The following TTC28 variants were observed in gnomAD, a reference collection of about 807,000 sequenced individuals.
TTC28 encodes the protein tetratricopeptide repeat domain 28.
In TTC28, 61 loss-of-function variants were observed where a neutral mutation model predicts 198.0. The ratio of observed to expected loss-of-function variants is 0.31; its 90% CI spans 0.25 to 0.38. The LOEUF (loss-of-function observed/expected upper bound fraction) is 0.38, where lower values mean the gene tolerates loss of function less well. Ranked by LOEUF, TTC28 falls within the 10% of genes least tolerant of loss-of-function variation. The pLI, the probability that TTC28 is intolerant of heterozygous loss-of-function variation, is 1.00. For missense variants in TTC28, 2,678 were observed against 3,164.0 expected (o/e 0.85, Z 3.69); for synonymous variants, 1,171 against 1,297.8 (o/e 0.90, Z 2.10).
chr22:28,581,660 T>G (rs2146058647), intron 2 of TTC28, among the ~76,000 whole-genome samples: 1 of 152,266 alleles, frequency 6.6e-6, no homozygotes, highest in South Asian at 2.1e-4. Flanking sequence ...TGCAAGAATA[T>G]TTCTTCCCTC....
At chr22:28,446,590 C>T (rs2047706638) in intron 2 of TTC28, among the ~76,000 whole-genome samples, 2 of 152,166 alleles carry the variant, frequency 1.3e-5, no homozygotes, top group Admixed American at 6.5e-5. Context: ...TGTTCCCGCT[C>T]TTGCCATGTG....
At chr22:28,285,680 T>A (rs536330578) in intron 5 of TTC28, among the ~76,000 whole-genome samples, 35 of 152,322 alleles carry the variant, frequency 2.3e-4, no homozygotes, top group Middle Eastern at 3.4e-3. Flanking sequence ...ACACCTTGAA[T>A]ACATATAATT....
intron 2 of TTC28, among the ~76,000 whole-genome samples, chr22:28,567,826 A>C (rs938617500): frequency 1.2e-4 from 18 of 152,128 alleles, no homozygotes; most frequent in Admixed American, 3.9e-4. Flanking sequence ...CTGATGAGGA[A>C]GGGAGATTTT....
chr22:28,090,435 AG>A (rs1941778534), intron 12 of TTC28, among the ~76,000 whole-genome samples: 1 of 152,154 alleles, frequency 6.6e-6, no homozygotes, highest in South Asian at 2.1e-4. Context: ...CATTCTGAAT[AG>A]ATATAACATA....
chr22:28,556,150 G>C (rs1301609483), intron 2 of TTC28, among the ~76,000 whole-genome samples: 1 of 152,070 alleles, frequency 6.6e-6, no homozygotes, highest in Non-Finnish European at 1.5e-5. Context: ...CATGAGGTCA[G>C]GAGTTCAAGA....
At chr22:28,271,064 T>G (rs73882721) in intron 5 of TTC28, among the ~76,000 whole-genome samples, 1,996 of 152,190 alleles carry the variant, frequency 0.013, 42 homozygotes, top group African/African-American at 0.046. Context: ...CAAGCATTCT[T>G]AAGGTAAATT....
At chr22:28,494,585 A>G (rs1299374101) in intron 2 of TTC28, among the ~76,000 whole-genome samples, 1 of 152,180 alleles carries the variant, frequency 6.6e-6, no homozygotes, top group Non-Finnish European at 1.5e-5. Context: ...TTCCTTGTTC[A>G]TCCTATAAAA....
intron 14 of TTC28, among the ~76,000 whole-genome samples, chr22:28,012,898 C>T (rs1486251683): frequency 6.6e-6 from 1 of 152,122 alleles, no homozygotes; most frequent in Admixed American, 6.5e-5. Context: ...ACAGATACTC[C>T]AGGAGGGGAA....
chr22:28,661,352 T>A (rs776140452), intron 1 of TTC28, among the ~76,000 whole-genome samples: 1 of 152,216 alleles, frequency 6.6e-6, no homozygotes, highest in Non-Finnish European at 1.5e-5. Context: ...TTAATTTCCA[T>A]CATCCAAGAA....
chr22:28,011,289 C>T (rs1022137479), intron 14 of TTC28, among the ~76,000 whole-genome samples: 6 of 152,154 alleles, frequency 3.9e-5, no homozygotes, highest in Non-Finnish European at 1.5e-5. Flanking sequence ...TTCATAACTT[C>T]GGGGAATTAA....
chr22:28,418,607 AC>A lies in TTC28; in HGVS notation c.382-111965del, dbSNP rs1450357587. Among the ~76,000 whole-genome samples, 7 of 152,332 alleles carry A rather than the reference AC, an allele frequency of 4.6e-5. No homozygotes were observed. In the South Asian group the frequency reaches 1.2e-3, roughly 27 times the overall value. ...TATACTGACTGGAGTCAAACATAGA[AC>A]AGACAAAAAAAGAGGCACACAGAGA... On this transcript the variant is annotated intron_variant, in intron 2 of 22. Coordinates refer to ENST00000397906, the MANE Select transcript of TTC28 (RefSeq NM_001145418.2).
chr22:28,150,444 A>C (rs1365096871), intron 6 of TTC28, among the ~76,000 whole-genome samples: 1 of 152,208 alleles, frequency 6.6e-6, no homozygotes, highest in Admixed American at 6.5e-5. Flanking sequence ...CTGATGCTCT[A>C]TATTTTCTGC....
intron 2 of TTC28, among the ~76,000 whole-genome samples, chr22:28,618,795 C>G (rs2050944346): frequency 6.6e-6 from 1 of 151,626 alleles, no homozygotes; most frequent in Non-Finnish European, 1.5e-5. Flanking sequence ...CCAGAGAAGA[C>G]AGCAGCAAAA....
chr22:28,215,441 T>A (rs1030997982), intron 5 of TTC28, among the ~76,000 whole-genome samples: 1 of 152,182 alleles, frequency 6.6e-6, no homozygotes, highest in Non-Finnish European at 1.5e-5. Flanking sequence ...TAATTGGGTT[T>A]TGCTGTGAAA....
intron 2 of TTC28, among the ~76,000 whole-genome samples, chr22:28,463,980 AG>A (rs2047985272): frequency 6.6e-6 from 1 of 152,130 alleles, no homozygotes; most frequent in Non-Finnish European, 1.5e-5. Flanking sequence ...GCCACCTTAA[AG>A]GGTCCTCCAA....
At chr22:28,640,828 C>G (rs1034854881) in intron 1 of TTC28, among the ~76,000 whole-genome samples, 8 of 152,004 alleles carry the variant, frequency 5.3e-5, no homozygotes, top group Admixed American at 3.3e-4. Flanking sequence ...AAAAGATAAA[C>G]ATAGAGTTAC....
chr22:28,660,329 A>AT (rs1330902065), intron 1 of TTC28, among the ~76,000 whole-genome samples: 3 of 151,830 alleles, frequency 2.0e-5, no homozygotes, highest in Non-Finnish European at 4.4e-5. Flanking sequence ...AGAAAAGGAA[A>AT]TTTTTTTTCT....
intron 2 of TTC28, among the ~76,000 whole-genome samples, chr22:28,389,259 G>A (rs1299213613): frequency 6.6e-6 from 1 of 152,102 alleles, no homozygotes; most frequent in Non-Finnish European, 1.5e-5. Context: ...TTTTATTGAG[G>A]ATTTTTGCAT....
chr22:28,533,848 A>G (rs538987833), intron 2 of TTC28, among the ~76,000 whole-genome samples: 1 of 152,268 alleles, frequency 6.6e-6, no homozygotes, highest in Non-Finnish European at 1.5e-5. Context: ...GGGAAAACGG[A>G]CTAGCCATAT....
Sources: allele counts gnomAD v4.1 joint callset (sites outside exome capture counted in the v4.1 genomes callset), GRCh38; gene constraint gnomAD v4.1.1; transcripts MANE v1.5; gene names NCBI Gene and HGNC (gene_info 2026-07-23, HGNC 2026-07-21).